Variants in OSBPL6 observed in about 807,000 individuals in gnomAD.
OSBPL6 encodes the protein oxysterol-binding protein-related protein 6.
OSBPL6 carries 49 observed loss-of-function variants against 125.8 expected under a neutral mutation model. The ratio of observed to expected loss-of-function variants is 0.39; its 90% confidence interval spans 0.31 to 0.49. The LOEUF is 0.49. Ranked by LOEUF, OSBPL6 falls within the 20% of genes least tolerant of loss-of-function variation. The pLI is 0.88. For synonymous variants in OSBPL6, 394 were observed against 391.8 expected (o/e 1.01, Z -0.07); for missense variants, 986 against 1,135.4 (o/e 0.87, Z 1.89).
chr2:178,284,761 T>G (rs1684545369), intron 1 of OSBPL6, among the ~76,000 whole-genome samples, 166 bp from the exon 2 acceptor site: 1 of 152,174 alleles, frequency 6.6e-6, no homozygotes, highest in South Asian at 2.1e-4. Context: ...TGAGGTTACA[T>G]AAAACTGAAC....
intron 1 of OSBPL6, among the ~76,000 whole-genome samples, chr2:178,238,223 A>G (rs2091141876): frequency 6.6e-6 from 1 of 152,168 alleles, no homozygotes; most frequent in African/African-American, 2.4e-5. Context: ...AACAAATCAT[A>G]CATCTTAAAT....
At chr2:178,336,915 A>C (rs776409717) in intron 9 of OSBPL6, among the ~76,000 whole-genome samples, 4 of 152,214 alleles carry the variant, frequency 2.6e-5, no homozygotes, top group Non-Finnish European at 5.9e-5. Flanking sequence ...ACAACTCGGC[A>C]ATAAATGGCA....
At chr2:178,281,882 G>A (rs188146025) in intron 1 of OSBPL6, among the ~76,000 whole-genome samples, 1 of 152,228 alleles carries the variant, frequency 6.6e-6, no homozygotes, top group East Asian at 1.9e-4. Flanking sequence ...GTTGATAGGT[G>A]CAGCAAACCA....
rs376718500 is a variant in OSBPL6, at chr2:178,265,191, CTTTTTTTTTTTTTTTTTTTTT to C, written c.-350-19718_-350-19698del. 5.2e-3 allele frequency among the ~76,000 whole-genome samples: 177 copies of C among 33,730 alleles called. 3 individuals are homozygous for C. The highest frequency in any genetic ancestry group is 0.048 in the Middle Eastern group (2 of 42). 22.1% of individuals were successfully genotyped at this position (33,730 alleles called of 152,430 possible). On this transcript the variant is annotated intron_variant, in intron 1 of 24. Coordinates refer to ENST00000190611, the MANE Select transcript of OSBPL6 (RefSeq NM_032523.4). The stretch of plus-strand genomic sequence containing the variant: ...GTCACTTCCCCTGGCCCAGACGAGA[CTTTTTTTTTTTTTTTTTTTTT>C]TTTTTTTTTTTTTTTTTAAGATAGC...
chr2:178,345,350 A>G (rs1690597720), intron 11 of OSBPL6, among the ~76,000 whole-genome samples: 1 of 152,214 alleles, frequency 6.6e-6, no homozygotes, highest in African/African-American at 2.4e-5. Context: ...GGATGCTGGT[A>G]TGAGGATGGG....
At chr2:178,328,803 A>G (rs1027517826) in intron 5 of OSBPL6, among the ~76,000 whole-genome samples, 1 of 152,110 alleles carries the variant, frequency 6.6e-6, no homozygotes, top group Admixed American at 6.6e-5. Context: ...ACTAACTTTT[A>G]AGGCCTTATT....
chr2:178,328,573 C>T (rs951977755), intron 5 of OSBPL6, among the ~76,000 whole-genome samples, 195 bp downstream of exon 5: 3 of 152,164 alleles, frequency 2.0e-5, no homozygotes, highest in East Asian at 1.9e-4. Flanking sequence ...CTGCAGCTTC[C>T]ACCTCGCAGG....
At chr2:178,302,259 C>T (rs1405558275) in intron 2 of OSBPL6, among the ~76,000 whole-genome samples, 1 of 152,152 alleles carries the variant, frequency 6.6e-6, no homozygotes, top group Non-Finnish European at 1.5e-5. Context: ...GTTCAGCTCT[C>T]TCATATTGCT....
At chr2:178,204,167 G>C (rs1159770100) in intron 1 of OSBPL6, among the ~76,000 whole-genome samples, 1 of 151,964 alleles carries the variant, frequency 6.6e-6, no homozygotes, top group Non-Finnish European at 1.5e-5. Context: ...GGGACTACGG[G>C]TGCATGCCAC....
chr2:178,239,809 AGTAGAGATGGGGTTTCACT>A (rs936669557), intron 1 of OSBPL6, among the ~76,000 whole-genome samples: 1 of 151,116 alleles, frequency 6.6e-6, no homozygotes, highest in African/African-American at 2.4e-5. Flanking sequence ...TTGTATTTTT[AGTAGAGATGGGGTTTCACT>A]GTGTTAGTCA....
chr2:178,382,715 G>A (rs1299032729), intron 16 of OSBPL6: 41 of 1,443,734 alleles, frequency 2.8e-5, no homozygotes, highest in Middle Eastern at 1.8e-4. Flanking sequence ...AAGAGAAAAC[G>A]TTTTTCCTCT....
At chr2:178,249,194 C>T in intron 1 of OSBPL6, among the ~76,000 whole-genome samples, 1 of 152,226 alleles carries the variant, frequency 6.6e-6, no homozygotes, top group East Asian at 1.9e-4. Flanking sequence ...CCCACCTCAG[C>T]ATCCCAAAGT....
chr2:178,215,954 C>T (rs552335410), intron 1 of OSBPL6, among the ~76,000 whole-genome samples: 1 of 152,104 alleles, frequency 6.6e-6, no homozygotes, highest in Admixed American at 6.5e-5. Context: ...GGTTTGGAGG[C>T]TGGTGTTATT....
chr2:178,327,304 C>T (rs1688783130), intron 4 of OSBPL6, among the ~76,000 whole-genome samples: 1 of 152,158 alleles, frequency 6.6e-6, no homozygotes, highest in African/African-American at 2.4e-5. Context: ...TCTTCATCAT[C>T]CACATGTAGA....
At chr2:178,235,703 G>A (rs1004373904) in intron 1 of OSBPL6, among the ~76,000 whole-genome samples, 1 of 151,992 alleles carries the variant, frequency 6.6e-6, no homozygotes, top group Non-Finnish European at 1.5e-5. Flanking sequence ...ACTGCACCTG[G>A]CATTTTATAC....
rs78595195 is a variant in OSBPL6, at chr2:178,234,047, T to C, written c.-351+39373T>C. On this transcript the variant is annotated intron_variant, in intron 1 of 24. Coordinates refer to ENST00000190611, the MANE Select transcript of OSBPL6 (RefSeq NM_032523.4). ...TTTAATAATACTAATCATATAGTCT[T>C]AAAGACTGAATGTTCACTCAGTATT... is the stretch of plus-strand genomic sequence containing the variant. Among the ~76,000 whole-genome samples, 185 of 152,308 alleles carry C rather than the reference T, an allele frequency of 1.2e-3. 5 individuals are homozygous for C. In the East Asian group the frequency reaches 0.026, roughly 21 times the overall value.
At chr2:178,323,444 G>GT (rs531331874) in intron 3 of OSBPL6, 242 of 152,236 alleles carry the variant, frequency 1.6e-3, no homozygotes, top group African/African-American at 5.6e-3. Context: ...ACTGAAGGGT[G>GT]TGAAGGCTCT....
chr2:178,283,809 G>C (rs1001965449), intron 1 of OSBPL6, among the ~76,000 whole-genome samples: 2 of 152,114 alleles, frequency 1.3e-5, no homozygotes, highest in Admixed American at 1.3e-4. Context: ...GAGATCACAT[G>C]GTGACAGAGG....
At chr2:178,220,190 G>A (rs2090276423) in intron 1 of OSBPL6, among the ~76,000 whole-genome samples, 2 of 152,130 alleles carry the variant, frequency 1.3e-5, no homozygotes, top group African/African-American at 4.8e-5. Context: ...TTTAGACATC[G>A]AGTTCCATTT....
Sources: allele counts gnomAD v4.1 joint callset (sites outside exome capture counted in the v4.1 genomes callset), GRCh38; gene constraint gnomAD v4.1.1; transcripts MANE v1.5; gene names NCBI Gene and HGNC (gene_info 2026-07-23, HGNC 2026-07-21).